Variants in FER observed in about 807,000 individuals in gnomAD.
The protein encoded by FER is tyrosine-protein kinase Fer.
Under a neutral mutation model 111.0 loss-of-function variants are expected in FER, and 63 were observed. That is an observed-to-expected ratio of 0.57 (90% CI 0.46 to 0.70). The LOEUF is 0.70. Ranked by LOEUF, FER falls within the 30% of genes least tolerant of loss-of-function variation. The pLI, the probability that FER is intolerant of heterozygous loss-of-function variation, is 0.00. For synonymous variants in FER, 327 were observed against 313.9 expected (o/e 1.04, Z -0.44); for missense variants, 914 against 954.0 (o/e 0.96, Z 0.55).
At chr5:109,130,055 C>T (rs147554730) in intron 17 of FER, among the ~76,000 whole-genome samples, 3 of 130,264 alleles carry the variant, frequency 2.3e-5, no homozygotes, top group Admixed American at 2.2e-4. Flanking sequence ...AATACTTGTG[C>T]GTAGGTTTTT....
At chr5:108,952,617 G>A (rs192178510) in intron 11 of FER, among the ~76,000 whole-genome samples, 35 of 138,886 alleles carry the variant, frequency 2.5e-4, no homozygotes, top group Non-Finnish European at 5.4e-4. Context: ...CTATAGAATT[G>A]AAGTGTGATC....
chr5:109,031,869 C>T lies in FER; in HGVS notation c.1657-5553C>T, dbSNP rs147865878. 7.5e-3 allele frequency among the ~76,000 whole-genome samples: 1,146 copies of T among 152,232 alleles called. 11 individuals carry two copies. The highest frequency in any genetic ancestry group is 0.027 in the African/African-American group (1,119 of 41,530). ...GTCATCACTTACATTACTCATGTGA[C>T]ACTTGAAATGACATTTTGAACAGAG... On this transcript the variant is annotated intron_variant, in intron 13 of 19. Coordinates refer to ENST00000281092, the MANE Select transcript of FER (RefSeq NM_005246.4).
chr5:108,882,966 T>C lies in FER; in HGVS notation c.924-430T>C, dbSNP rs941648196. Among the ~76,000 whole-genome samples the C allele has an allele frequency of 1.1e-4, 16 of 152,094 alleles. No homozygotes were observed. In the East Asian group the frequency reaches 3.1e-3, roughly 29 times the overall value. ...AATGACAAATAACTGAGCCTCACTT[T>C]CATTTCTTTAAAATAATACTATATA... On this transcript the variant is annotated intron_variant, in intron 8 of 19. Coordinates refer to ENST00000281092, the MANE Select transcript of FER (RefSeq NM_005246.4).
intron 15 of FER, among the ~76,000 whole-genome samples, chr5:109,046,178 C>T (rs1408059942): frequency 6.6e-6 from 1 of 152,112 alleles, no homozygotes; most frequent in South Asian, 2.1e-4. Flanking sequence ...TTCAATTATC[C>T]ATTTGCCAAC....
chr5:109,119,816 A>C (rs572582227), intron 17 of FER, among the ~76,000 whole-genome samples: 1 of 152,092 alleles, frequency 6.6e-6, no homozygotes, highest in South Asian at 2.1e-4. Context: ...AAATCATTTC[A>C]ACTGGGGTAA....
intron 17 of FER, among the ~76,000 whole-genome samples, chr5:109,172,405 G>A (rs1207037908): frequency 6.9e-6 from 1 of 145,448 alleles, no homozygotes; most frequent in African/African-American, 2.6e-5. Context: ...AACACTGCAT[G>A]TTCTCACTCA....
chr5:108,993,849 G>A (rs1197771781), intron 13 of FER, among the ~76,000 whole-genome samples: 1 of 152,002 alleles, frequency 6.6e-6, no homozygotes, highest in Non-Finnish European at 1.5e-5. Context: ...GTATCTTTGT[G>A]GTTTTGATTT....
rs886272025 is a variant in FER at position 109,092,125 on chromosome 5, C to G, written c.1925-8271C>G. Reference sequence around the variant, plus strand: ...GCTGACACCTTTATCTTGGAGTTGCCTAAAATGACCTAAATGTAAGATCTG... The same window carrying G: ...GCTGACACCTTTATCTTGGAGTTGCGTAAAATGACCTAAATGTAAGATCTG... On this transcript the variant is annotated intron_variant, in intron 16 of 19. Transcript: ENST00000281092. 4.6e-5 allele frequency among the ~76,000 whole-genome samples: 7 copies of G among 151,524 alleles called. No homozygotes were observed. In the East Asian group the frequency reaches 1.2e-3, roughly 25 times the overall value.
intron 13 of FER, among the ~76,000 whole-genome samples, chr5:108,979,733 G>C (rs990563974): frequency 6.7e-6 from 1 of 148,614 alleles, no homozygotes; most frequent in South Asian, 2.1e-4. Flanking sequence ...AGGGCCATGA[G>C]GCATTGTCTC....
intron 13 of FER, among the ~76,000 whole-genome samples, chr5:109,012,141 G>C (rs1470014511): frequency 2.0e-5 from 3 of 152,214 alleles, no homozygotes; most frequent in African/African-American, 7.2e-5. Flanking sequence ...ATTGTGAAGA[G>C]GTGTTTGATT....
At chr5:108,774,669 A>G (rs1435812355) in intron 2 of FER, among the ~76,000 whole-genome samples, 1 of 150,372 alleles carries the variant, frequency 6.7e-6, no homozygotes. Context: ...GCTTTTTTTC[A>G]TGTTTGTTGG....
At position 109,196,278 on chromosome 5, in the gene FER, T is replaced by A. The variant is rs1759740588; in HGVS notation, c.*8703T>A. 1 of 152,196 alleles carries A rather than the reference T, an allele frequency of 6.6e-6. No individual in the cohort carries two copies. Among genetic ancestry groups the A allele is most frequent in the Non-Finnish European group, 1.5e-5 (1 of 68,050 alleles). 9.4% of individuals were successfully genotyped at this position (152,196 alleles called of 1,614,324 possible). ...GATAGATGAGTTTGAGATGATGGAG[T>A]AGGAGTGGGGCCCTCAGGCACTTCT... On this transcript the variant is annotated 3_prime_UTR_variant, in exon 20 of 20. Coordinates refer to ENST00000281092, the MANE Select transcript of FER (RefSeq NM_005246.4).
intron 15 of FER, among the ~76,000 whole-genome samples, chr5:109,045,978 C>T (rs1391471417): frequency 6.6e-6 from 1 of 152,084 alleles, no homozygotes; most frequent in Non-Finnish European, 1.5e-5. Context: ...CAAGTTGTTT[C>T]TTTTTTTACG....
chr5:108,884,897 A>G (rs1746870967), intron 9 of FER, among the ~76,000 whole-genome samples: 2 of 152,020 alleles, frequency 1.3e-5, no homozygotes, highest in South Asian at 2.1e-4. Context: ...TTTAGAAACT[A>G]TCTTACTTGA....
At chr5:108,850,454 A>G (rs898238573) in intron 5 of FER, among the ~76,000 whole-genome samples, 2 of 152,140 alleles carry the variant, frequency 1.3e-5, no homozygotes, top group Non-Finnish European at 2.9e-5. Flanking sequence ...AAGGGATTCC[A>G]TAAGTTTAGG....
At chr5:108,780,759 A>G (rs1753976739) in intron 2 of FER, among the ~76,000 whole-genome samples, 3 of 151,386 alleles carry the variant, frequency 2.0e-5, no homozygotes, top group African/African-American at 7.3e-5. Context: ...TGGTATTCCC[A>G]TTACATGTAT....
chr5:109,069,791 A>AT lies in FER; in HGVS notation c.1924+22601dup, dbSNP rs1369221931. ...TTACTTCAGAAGGATGAGCCATAGA[A>AT]TTTTTTTTCTGTTTGAACTCTAAGT... On this transcript the variant is annotated intron_variant, in intron 16 of 19. Transcript: ENST00000281092. Among the ~76,000 whole-genome samples the AT allele has an allele frequency of 7.9e-5, 12 of 152,066 alleles. No individual in the cohort carries two copies. The South Asian group carries it at 2.3e-3, about 29-fold the overall frequency.
intron 16 of FER, among the ~76,000 whole-genome samples, chr5:109,056,795 A>G (rs1378026508): frequency 6.6e-6 from 1 of 152,214 alleles, no homozygotes; most frequent in African/African-American, 2.4e-5. Context: ...TATTCTTTTT[A>G]CCATCAATAT....
chr5:108,992,498 C>CG (rs1481044670), intron 13 of FER, among the ~76,000 whole-genome samples: 3 of 146,374 alleles, frequency 2.0e-5, no homozygotes, highest in Non-Finnish European at 3.0e-5. Flanking sequence ...GCTGGCCGGG[C>CG]GGGGGGCTGA....
Sources: gnomAD v4.1 joint callset for allele counts (sites outside exome capture counted in the v4.1 genomes callset) on GRCh38, gnomAD v4.1.1 for gene constraint, MANE v1.5 for transcripts, NCBI Gene and HGNC (gene_info 2026-07-23, HGNC 2026-07-21) for gene names.